Variants in SPPL2A observed in about 807,000 individuals in gnomAD.
SPPL2A encodes signal peptide peptidase-like 2A.
Under a neutral mutation model 63.8 loss-of-function variants are expected in SPPL2A, and 51 were observed. The ratio of observed to expected loss-of-function variants is 0.80; its 90% confidence interval spans 0.64 to 1.01. The LOEUF (loss-of-function observed/expected upper bound fraction) is 1.01. Ranked by LOEUF, SPPL2A falls within the 50% of genes least tolerant of loss-of-function variation. The pLI, the probability that SPPL2A is intolerant of heterozygous loss-of-function variation, is 0.00. For synonymous variants in SPPL2A, 188 were observed against 205.8 expected (o/e 0.91, Z 0.74); for missense variants, 553 against 622.7 (o/e 0.89, Z 1.19).
At chr15:50,761,224 G>A (rs1277854785) in intron 1 of SPPL2A, among the ~76,000 whole-genome samples, 1 of 152,052 alleles carries the variant, frequency 6.6e-6, no homozygotes, top group Non-Finnish European at 1.5e-5. Context: ...TGACCAGGCT[G>A]GTCTGAAACT....
intron 14 of SPPL2A, among the ~76,000 whole-genome samples, chr15:50,718,359 C>T (rs1014945753): frequency 1.3e-5 from 2 of 151,986 alleles, no homozygotes; most frequent in African/African-American, 4.8e-5. Flanking sequence ...AAATAGTATC[C>T]TCTCATAGAA....
At chr15:50,718,110 TA>T (rs1156482555) in intron 14 of SPPL2A, among the ~76,000 whole-genome samples, 5 of 151,490 alleles carry the variant, frequency 3.3e-5, no homozygotes, top group Non-Finnish European at 4.4e-5. Flanking sequence ...TAGCTGGGAC[TA>T]CAAGGCACCC....
intron 5 of SPPL2A, chr15:50,743,346 T>G (rs1170070970): frequency 6.6e-6 from 1 of 152,150 alleles, no homozygotes; most frequent in Non-Finnish European, 1.5e-5. Context: ...AGTTTATTAT[T>G]CTTTTTGTTA....
chr15:50,723,108 G>C (rs1474540889), intron 12 of SPPL2A, among the ~76,000 whole-genome samples: 1 of 152,138 alleles, frequency 6.6e-6, no homozygotes, highest in African/African-American at 2.4e-5. Context: ...AAACCACAAT[G>C]AGATATCGCC....
At chr15:50,712,679 C>CTTTTTTTT (rs1555440537) in intron 14 of SPPL2A, among the ~76,000 whole-genome samples, 1 of 102,938 alleles carries the variant, frequency 9.7e-6, no homozygotes, top group Non-Finnish European at 1.9e-5. Context: ...CTCCCCCCCC[C>CTTTTTTTT]TTTTTTTTTT....
chr15:50,748,254 A>C (rs2062875319), intron 3 of SPPL2A, 52 bp from the exon 4 acceptor site: 1 of 653,012 alleles, frequency 1.5e-6, no homozygotes, highest in African/African-American at 1.9e-5. Context: ...TATTTATAGA[A>C]TAAAATACTA....
chr15:50,754,895 T>C (rs1316348156), intron 1 of SPPL2A, among the ~76,000 whole-genome samples: 1 of 151,842 alleles, frequency 6.6e-6, no homozygotes, highest in Non-Finnish European at 1.5e-5. Flanking sequence ...GGCCGGAGAA[T>C]CACTTGAACC....
chr15:50,710,546 T>C (rs572612126), intron 14 of SPPL2A, among the ~76,000 whole-genome samples: 2 of 152,306 alleles, frequency 1.3e-5, no homozygotes, highest in African/African-American at 4.8e-5. Context: ...ATTGACAAAA[T>C]TGCCAAACAT....
chr15:50,729,012 C>T (rs1272295345), intron 10 of SPPL2A, among the ~76,000 whole-genome samples: 2 of 152,078 alleles, frequency 1.3e-5, no homozygotes, highest in Admixed American at 6.6e-5. Flanking sequence ...TGGGGTTTCA[C>T]TATGTTGGCC....
chr15:50,716,851 CT>C (rs1274233432), intron 14 of SPPL2A, among the ~76,000 whole-genome samples: 1 of 152,188 alleles, frequency 6.6e-6, no homozygotes, highest in Non-Finnish European at 1.5e-5. Context: ...TCCCAATTAT[CT>C]ATCTCTAGCC....
At position 50,706,911 on chromosome 15, in the gene SPPL2A, TTAATA is replaced by T. The variant is rs1348665397; in HGVS notation, c.*884_*888del. 2.6e-5 allele frequency: 4 copies of T among 152,152 alleles called. No homozygotes were observed. The highest frequency in any genetic ancestry group is 5.9e-5 in the Non-Finnish European group (4 of 68,022). The allele number at this position is 152,152 out of a possible 1,614,324, so 9.4% of individuals were successfully genotyped here. On this transcript the variant is annotated 3_prime_UTR_variant, in exon 15 of 15. Transcript: ENST00000261854. ...TTTCTCTATATCTGGAAAAATGTTC[TTAATA>T]TAATACACGTGCAGTCTGAAGTAAT...
At chr15:50,728,240 C>T (rs1460750485) in intron 10 of SPPL2A, among the ~76,000 whole-genome samples, 1 of 152,184 alleles carries the variant, frequency 6.6e-6, no homozygotes, top group Non-Finnish European at 1.5e-5. Flanking sequence ...GTAGAGGGAA[C>T]ATTTCACTTT....
At chr15:50,726,848 T>C (rs1364705476) in intron 10 of SPPL2A, among the ~76,000 whole-genome samples, 2 of 152,186 alleles carry the variant, frequency 1.3e-5, no homozygotes, top group African/African-American at 4.8e-5. Flanking sequence ...TAAATATACA[T>C]CTGACCTTCT....
At position 50,706,409 on chromosome 15, in the gene SPPL2A, A is replaced by G. The variant is rs540387976; in HGVS notation, c.*1391T>C. 11 of 134,272 alleles carry G rather than the reference A, an allele frequency of 8.2e-5. No individual in the cohort carries two copies. The South Asian group carries it at 1.5e-3, about 18-fold the overall frequency. 8.3% of individuals were successfully genotyped at this position (134,272 alleles called of 1,614,324 possible). On this transcript the variant is annotated 3_prime_UTR_variant, in exon 15 of 15. Coordinates refer to ENST00000261854, the MANE Select transcript of SPPL2A (RefSeq NM_032802.4). ...CGTCTCAAAAAAAAAAAAAAAAAAA[A>G]AAAGAAAACTGAGATACAAGGTCTT...
intron 3 of SPPL2A, 137 bp from the exon 4 acceptor site, chr15:50,748,339 A>C: frequency 2.3e-6 from 1 of 434,104 alleles, no homozygotes; most frequent in Non-Finnish European, 4.0e-6. Flanking sequence ...TTAACACTCT[A>C]AGTTCTCAAA....
At chr15:50,724,312 C>T (rs962163405) in intron 12 of SPPL2A, among the ~76,000 whole-genome samples, 3 of 152,112 alleles carry the variant, frequency 2.0e-5, no homozygotes, top group Admixed American at 6.5e-5. Flanking sequence ...CGCGGTGGCT[C>T]ACGCCTGTAA....
At chr15:50,762,105 T>C (rs945452962) in intron 1 of SPPL2A, among the ~76,000 whole-genome samples, 2 of 151,162 alleles carry the variant, frequency 1.3e-5, no homozygotes, top group African/African-American at 4.9e-5. Flanking sequence ...TGGTGACTCA[T>C]GTCTGTAATC....
chr15:50,761,867 G>A (rs1225772939), intron 1 of SPPL2A, among the ~76,000 whole-genome samples: 4 of 152,054 alleles, frequency 2.6e-5, no homozygotes, highest in Admixed American at 2.0e-4. Flanking sequence ...AGGAGGCAGA[G>A]GTTGCAGTGA....
chr15:50,726,496 A>G, intron 10 of SPPL2A, 119 bp from the exon 11 acceptor site: 1 of 902,262 alleles, frequency 1.1e-6, no homozygotes, highest in East Asian at 2.6e-5. Flanking sequence ...AATGGGCTGC[A>G]GACTGCTTTT....
Sources: gnomAD v4.1 joint callset for allele counts (sites outside exome capture counted in the v4.1 genomes callset) on GRCh38, gnomAD v4.1.1 for gene constraint, MANE v1.5 for transcripts, NCBI Gene and HGNC (gene_info 2026-07-23, HGNC 2026-07-21) for gene names.